The following UBQLN1 variants were observed in gnomAD, a reference collection of about 807,000 sequenced individuals.
UBQLN1 encodes ubiquilin-1.
A neutral mutation model predicts 65.4 loss-of-function variants in UBQLN1; 13 were observed. That is an observed-to-expected ratio of 0.20 (90% CI 0.13 to 0.32). The LOEUF (loss-of-function observed/expected upper bound fraction) is 0.32, where lower values mean the gene tolerates loss of function less well. Ranked by LOEUF, UBQLN1 falls within the 10% of genes least tolerant of loss-of-function variation. The pLI is 1.00. For missense variants in UBQLN1, 561 were observed against 724.0 expected (o/e 0.77, Z 2.58); for synonymous variants, 267 against 247.8 (o/e 1.08, Z -0.73).
intron 8 of UBQLN1, chr9:83,665,360 C>A (rs1237299071): frequency 7.6e-6 from 3 of 395,828 alleles, no homozygotes; most frequent in Non-Finnish European, 1.3e-5. Context: ...CTAAGTCCAT[C>A]ATGAAAGCCA....
chr9:83,675,574 TG>T (rs1831818907), intron 6 of UBQLN1, among the ~76,000 whole-genome samples: 1 of 152,180 alleles, frequency 6.6e-6, no homozygotes, highest in African/African-American at 2.4e-5. Context: ...TCAATGCAAA[TG>T]CAAAGGCAAC....
Position 83,660,825 on chromosome 9 carries a change from G to A in UBQLN1, c.*962C>T, listed in dbSNP as rs1831551746. The A allele has an allele frequency of 6.6e-6, 1 of 152,538 alleles. No individual in the cohort carries two copies. The highest frequency in any genetic ancestry group is 2.4e-5 in the African/African-American group (1 of 41,408). The allele number at this position is 152,538 out of a possible 1,614,324, so 9.4% of individuals were successfully genotyped here. On this transcript the variant is annotated 3_prime_UTR_variant, in exon 11 of 11. Coordinates refer to ENST00000376395, the MANE Select transcript of UBQLN1 (RefSeq NM_013438.5). ...AGAAAACAGATAAACCCAAAAGATA[G>A]TTCTATTTTTTTATGGCGATTAAAA...
intron 1 of UBQLN1, among the ~76,000 whole-genome samples, chr9:83,695,400 A>G (rs1343049027): frequency 6.6e-6 from 1 of 152,030 alleles, no homozygotes; most frequent in African/African-American, 2.4e-5. Context: ...GGGTTTCACT[A>G]TATTGGCCAG....
In UBQLN1 at chr9:83,703,821, T is replaced by C. The variant is rs143187337; in HGVS notation, c.180+3679A>G. Among the ~76,000 whole-genome samples the C allele has an allele frequency of 2.0e-5, 3 of 152,292 alleles. No individual in the cohort carries two copies. The East Asian group carries it at 5.8e-4, about 29-fold the overall frequency. ...TAAATACCAAATGTATATAGCACTG[T>C]AAAAAATTAAGGCAACCTGTTTCTG... On this transcript the variant is annotated intron_variant, in intron 1 of 10. Coordinates refer to ENST00000376395, the MANE Select transcript of UBQLN1 (RefSeq NM_013438.5).
At chr9:83,685,875 A>G (rs945713579) in intron 2 of UBQLN1, 129 bp downstream of exon 2, 1 of 790,642 alleles carries the variant, frequency 1.3e-6, no homozygotes, top group African/African-American at 1.8e-5. Context: ...TGTTATCGAC[A>G]GCAAGGAAAG....
At chr9:83,675,364 A>C (rs1267126430) in intron 6 of UBQLN1, among the ~76,000 whole-genome samples, 1 of 152,190 alleles carries the variant, frequency 6.6e-6, no homozygotes. Flanking sequence ...TAAAACTACA[A>C]AGCAAAGCAG....
chr9:83,676,180 T>C (rs964239885), intron 6 of UBQLN1, among the ~76,000 whole-genome samples: 1 of 152,230 alleles, frequency 6.6e-6, no homozygotes, highest in African/African-American at 2.4e-5. Flanking sequence ...ATGTCACAGT[T>C]GAGTAAGAAT....
rs1832246305 is a variant in UBQLN1 at position 83,697,872 on chromosome 9, G to T, written c.180+9628C>A. Among the ~76,000 whole-genome samples, 5 of 151,758 alleles carry T rather than the reference G, an allele frequency of 3.3e-5. No individual in the cohort carries two copies. In the South Asian group the frequency reaches 1.0e-3, roughly 31 times the overall value. ...CGCCTCAGCCTTCCGAGTAGCTGGGGATTACAGGCATGCACCACCACACCT... is the reference window on the plus strand; with the variant it reads ...CGCCTCAGCCTTCCGAGTAGCTGGGTATTACAGGCATGCACCACCACACCT... On this transcript the variant is annotated intron_variant, in intron 1 of 10. Transcript: ENST00000376395.
At position 83,660,767 on chromosome 9, in the gene UBQLN1, A is replaced by G. The variant is rs377650691; in HGVS notation, c.*1020T>C. 3.3e-5 allele frequency: 5 copies of G among 151,926 alleles called. No homozygotes were observed. The highest frequency in any genetic ancestry group is 4.2e-4 in the South Asian group (2 of 4,816). 9.4% of individuals were successfully genotyped at this position (151,926 alleles called of 1,614,324 possible). A position where few individuals can be genotyped will look rare whatever the true frequency, so the allele number is the denominator to read the frequency against. On this transcript the variant is annotated 3_prime_UTR_variant, in exon 11 of 11. Transcript: ENST00000376395. ...ACACTTCAGAAACAATTGGCTCACA[A>G]CTCATTTTAAATTTGTGTATTGCCT...
At chr9:83,691,079 A>G (rs1832119749) in intron 1 of UBQLN1, among the ~76,000 whole-genome samples, 1 of 152,134 alleles carries the variant, frequency 6.6e-6, no homozygotes. Context: ...CAGAGATTGC[A>G]GTGAGCCAAA....
intron 6 of UBQLN1, among the ~76,000 whole-genome samples, chr9:83,671,662 CTTT>C (rs1212186747): frequency 6.6e-6 from 1 of 151,928 alleles, no homozygotes; most frequent in East Asian, 1.9e-4. Context: ...GTCATCCAGG[CTTT>C]TTTTCTTTTT....
chr9:83,691,674 C>G (rs1832131435), intron 1 of UBQLN1, among the ~76,000 whole-genome samples: 1 of 152,194 alleles, frequency 6.6e-6, no homozygotes, highest in Non-Finnish European at 1.5e-5. Flanking sequence ...ACAACAAAAC[C>G]TCAAGAAACC....
chr9:83,682,911 A>AT (rs764192720), intron 3 of UBQLN1, 40 bp downstream of exon 3: 2 of 1,192,518 alleles, frequency 1.7e-6, no homozygotes, highest in East Asian at 2.5e-5. Flanking sequence ...GGAAAGGAGT[A>AT]TTTTTTCCCA....
intron 10 of UBQLN1, 75 bp downstream of exon 10, chr9:83,663,799 CT>C: frequency 2.0e-6 from 3 of 1,505,992 alleles, no homozygotes; most frequent in Middle Eastern, 1.8e-4. Context: ...TTTTTTCTCC[CT>C]TTTTCCTTCT....
At chr9:83,662,734 C>T (rs1371385153) in intron 10 of UBQLN1, among the ~76,000 whole-genome samples, 1 of 152,184 alleles carries the variant, frequency 6.6e-6, no homozygotes, top group African/African-American at 2.4e-5. Flanking sequence ...ATCAGGAATA[C>T]AGATATGTAT....
chr9:83,683,270 G>A (rs1428423346), intron 2 of UBQLN1, among the ~76,000 whole-genome samples: 1 of 152,038 alleles, frequency 6.6e-6, no homozygotes, highest in Non-Finnish European at 1.5e-5. Flanking sequence ...AAATTAGCCG[G>A]GCGTGATGGC....
chr9:83,683,226 C>A (rs1312809794), intron 2 of UBQLN1, among the ~76,000 whole-genome samples, 160 bp from the exon 3 acceptor site: 2 of 151,918 alleles, frequency 1.3e-5, no homozygotes, highest in Non-Finnish European at 1.5e-5. Context: ...TCCTGGCTAA[C>A]ACAGTGAAAC....
At chr9:83,694,550 G>A (rs1487969811) in intron 1 of UBQLN1, among the ~76,000 whole-genome samples, 1 of 152,144 alleles carries the variant, frequency 6.6e-6, no homozygotes, top group Admixed American at 6.6e-5. Context: ...TGAGAAAGGG[G>A]CACTCTCTCA....
intron 1 of UBQLN1, among the ~76,000 whole-genome samples, chr9:83,704,655 T>C (rs913483204): frequency 5.3e-5 from 8 of 152,134 alleles, no homozygotes; most frequent in African/African-American, 1.7e-4. Context: ...TGAAACCCTG[T>C]CTCTACTACA....
Sources: gnomAD v4.1 joint callset for allele counts (sites outside exome capture counted in the v4.1 genomes callset) on GRCh38, gnomAD v4.1.1 for gene constraint, MANE v1.5 for transcripts, NCBI Gene and HGNC (gene_info 2026-07-23, HGNC 2026-07-21) for gene names.